Variants in RPS6KA2 observed in about 807,000 individuals in gnomAD.
RPS6KA2 encodes the protein ribosomal protein S6 kinase alpha-2.
Under a neutral mutation model 91.8 loss-of-function variants are expected in RPS6KA2, and 42 were observed. The ratio of observed to expected loss-of-function variants is 0.46; its 90% CI spans 0.36 to 0.59. RPS6KA2 has a LOEUF of 0.59. RPS6KA2 is among the 20% of genes least tolerant of loss of function. RPS6KA2 has a pLI of 0.00. For missense variants in RPS6KA2, 798 were observed against 978.5 expected (o/e 0.82, Z 2.46); for synonymous variants, 414 against 393.6 (o/e 1.05, Z -0.61).
chr6:166,736,698 G>C (rs79487793), intron 2 of RPS6KA2, among the ~76,000 whole-genome samples: 14,846 of 152,068 alleles, frequency 0.098, 1,366 homozygotes, highest in African/African-American at 0.25. Flanking sequence ...GAGGCTGGCC[G>C]AGGGTCGCCA....
intron 2 of RPS6KA2, among the ~76,000 whole-genome samples, chr6:166,762,755 G>GAC (rs1294072228): frequency 1.3e-5 from 2 of 152,088 alleles, no homozygotes; most frequent in Non-Finnish European, 2.9e-5. Context: ...CTTCTGCCCC[G>GAC]ACTTCTGGGA....
intron 1 of RPS6KA2, among the ~76,000 whole-genome samples, chr6:166,619,840 T>C (rs1261552989): frequency 6.6e-6 from 1 of 152,254 alleles, no homozygotes; most frequent in Non-Finnish European, 1.5e-5. Flanking sequence ...TAGTTGCAAT[T>C]ATCCTGGGCT....
rs1054871660 is a variant in RPS6KA2, at chr6:166,639,743, T to A, written c.124-100959A>T. On this transcript the variant is annotated intron_variant, in intron 2 of 21. Coordinates refer to the RPS6KA2 transcript ENST00000503859. The surrounding 1 kb of genome is among the most constrained non-coding windows in gnomAD (Gnocchi z 4.2). ...GCTCTGCCTCTGCCCACTGGCCACA[T>A]CTCCTTCCAGCATCTTCCAGACCCA... Among the ~76,000 whole-genome samples, 1 of 152,186 alleles carries A rather than the reference T, an allele frequency of 6.6e-6. No homozygotes were observed. Among genetic ancestry groups the A allele is most frequent in the East Asian group, 1.9e-4 (1 of 5,182 alleles).
chr6:166,485,024 C>T (rs1171969647), intron 10 of RPS6KA2, among the ~76,000 whole-genome samples: 1 of 152,208 alleles, frequency 6.6e-6, no homozygotes, highest in African/African-American at 2.4e-5. Context: ...GCTCGAAGAA[C>T]GACCTGTTCT....
intron 2 of RPS6KA2, among the ~76,000 whole-genome samples, chr6:166,851,380 C>T (rs1196826754): frequency 6.6e-6 from 1 of 152,210 alleles, no homozygotes; most frequent in African/African-American, 2.4e-5. Flanking sequence ...GATTTAGCAA[C>T]GACCTCAACG....
At chr6:166,548,155 G>A (rs1417935713) in intron 1 of RPS6KA2, among the ~76,000 whole-genome samples, 1 of 152,150 alleles carries the variant, frequency 6.6e-6, no homozygotes, top group African/African-American at 2.4e-5. Flanking sequence ...AACAAAACAA[G>A]TATAGTATCT....
chr6:166,453,744 G>A (rs78606221), intron 12 of RPS6KA2, among the ~76,000 whole-genome samples: 5,501 of 152,290 alleles, frequency 0.036, 338 homozygotes, highest in African/African-American at 0.12. Context: ...AAAGATACCC[G>A]CACTTGGAAG....
At chr6:166,760,042 A>G (rs910833046) in intron 2 of RPS6KA2, among the ~76,000 whole-genome samples, 5 of 152,336 alleles carry the variant, frequency 3.3e-5, no homozygotes, top group Admixed American at 3.3e-4. Context: ...AATTTTTACT[A>G]AATTTTTGTT....
In RPS6KA2 at chr6:166,726,850, TGTCTGGCGGGTGGGGAGGA is replaced by T. The variant is rs1240223633; in HGVS notation, c.123+131331_123+131349del. ...GGGAGGTGACGGGTCTCAGGGAGTG[TGTCTGGCGGGTGGGGAGGA>T]ATCCCAGGCCTGGAATCTACCGTCC... On this transcript the variant is annotated intron_variant, in intron 2 of 21. Coordinates refer to the RPS6KA2 transcript ENST00000503859. This position sits in a 1 kb window ranked among gnomAD's most constrained non-coding sequence, Gnocchi z 4.4. Among the ~76,000 whole-genome samples, 2 of 152,158 alleles carry T rather than the reference TGTCTGGCGGGTGGGGAGGA, an allele frequency of 1.3e-5. No individual in the cohort carries two copies. The highest frequency in any genetic ancestry group is 2.9e-5 in the Non-Finnish European group (2 of 68,012).
intron 2 of RPS6KA2, among the ~76,000 whole-genome samples, chr6:166,798,836 T>C (rs76824330): frequency 0.012 from 1,885 of 152,226 alleles, 48 homozygotes; most frequent in African/African-American, 0.043. Flanking sequence ...CAGGGTGTGT[T>C]CCTGGTGGTG....
chr6:166,550,826 C>G (rs1045346218), intron 1 of RPS6KA2, among the ~76,000 whole-genome samples: 1 of 151,882 alleles, frequency 6.6e-6, no homozygotes. Flanking sequence ...CACGGTGAAA[C>G]CCCGTCTCTA....
At chr6:166,834,254 C>A (rs1037285771) in intron 2 of RPS6KA2, among the ~76,000 whole-genome samples, 1 of 152,136 alleles carries the variant, frequency 6.6e-6, no homozygotes, top group Admixed American at 6.5e-5. Flanking sequence ...CAGTATCTCA[C>A]GGTGGTTTTA....
chr6:166,689,258 A>G (rs1181134209), intron 2 of RPS6KA2, among the ~76,000 whole-genome samples: 2 of 152,144 alleles, frequency 1.3e-5, no homozygotes, highest in Non-Finnish European at 2.9e-5. Flanking sequence ...CAAAAACAGA[A>G]CTCGTGTCTG....
chr6:166,709,401 G>A (rs1447898438), intron 2 of RPS6KA2, among the ~76,000 whole-genome samples: 4 of 152,206 alleles, frequency 2.6e-5, no homozygotes, highest in Non-Finnish European at 5.9e-5. Flanking sequence ...GCCGAGGCAG[G>A]AGGATTGCTG....
chr6:166,428,619 AC>A (rs1480659492), intron 16 of RPS6KA2, among the ~76,000 whole-genome samples: 3 of 148,424 alleles, frequency 2.0e-5, no homozygotes, highest in Admixed American at 6.7e-5. Flanking sequence ...AAAAAAAAAA[AC>A]AACCCCATCA....
At position 166,648,037 on chromosome 6, in the gene RPS6KA2, CTCTCACACACATGCACAT is replaced by C. The variant is rs1787703062; in HGVS notation, c.124-109271_124-109254del. Reference sequence around the variant, plus strand: ...GCTTACACACATACATACACACATGCTCTCACACACATGCACATGCTCACACACATGCACACGCACATG... The same window carrying C: ...GCTTACACACATACATACACACATGCGCTCACACACATGCACACGCACATG... On this transcript the variant is annotated intron_variant, in intron 2 of 21. Coordinates refer to the RPS6KA2 transcript ENST00000503859. This position sits in a 1 kb window ranked among gnomAD's most constrained non-coding sequence, Gnocchi z 4.8. 8.2e-5 allele frequency among the ~76,000 whole-genome samples: 8 copies of C among 97,262 alleles called. No individual in the cohort carries two copies. Among genetic ancestry groups the C allele is most frequent in the Admixed American group, 6.7e-4 (6 of 8,896 alleles). 63.8% of individuals were successfully genotyped at this position (97,262 alleles called of 152,430 possible).
rs1238056709 is a variant in RPS6KA2 at position 166,419,364 on chromosome 6, G to A, written c.1820+518C>T. 6.6e-6 allele frequency among the ~76,000 whole-genome samples: 1 copy of A among 152,220 alleles called. No individual in the cohort carries two copies. The highest frequency in any genetic ancestry group is 1.9e-4 in the East Asian group (1 of 5,190). On this transcript the variant is annotated intron_variant, in intron 18 of 20. Coordinates refer to ENST00000265678, the MANE Select transcript of RPS6KA2 (RefSeq NM_021135.6). This position sits in a 1 kb window ranked among gnomAD's most constrained non-coding sequence, Gnocchi z 5.6. ...TACAGGTTAAAGTGTTTAGCCCAGA[G>A]TCACGGCTAGTGGCGAGTGGGGCTC...
chr6:166,480,997 T>C (rs1236602341), intron 10 of RPS6KA2, among the ~76,000 whole-genome samples: 1 of 152,178 alleles, frequency 6.6e-6, no homozygotes, highest in Non-Finnish European at 1.5e-5. Flanking sequence ...TTTCGCCCAA[T>C]TTTTCTATAG....
rs1312678376 is a variant in RPS6KA2 at position 166,640,581 on chromosome 6, G to A, written c.124-101797C>T. Among the ~76,000 whole-genome samples, 5 of 152,340 alleles carry A rather than the reference G, an allele frequency of 3.3e-5. No individual in the cohort carries two copies. The South Asian group carries it at 1.0e-3, about 32-fold the overall frequency. On this transcript the variant is annotated intron_variant, in intron 2 of 21. Transcript: ENST00000503859. ...TGTTCTGGGCAACCTGCTGGGTCACGTATGTAGAGAGAGCCTTCCCGGAAC... is the reference window on the plus strand; with the variant it reads ...TGTTCTGGGCAACCTGCTGGGTCACATATGTAGAGAGAGCCTTCCCGGAAC...
Sources: gnomAD v4.1 joint callset for allele counts (sites outside exome capture counted in the v4.1 genomes callset) on GRCh38, gnomAD v4.1.1 for gene constraint, Gnocchi (gnomAD v3.1) non-coding constraint, MANE v1.5 for transcripts, NCBI Gene and HGNC (gene_info 2026-07-23, HGNC 2026-07-21) for gene names.